The following AFG1L variants were observed in gnomAD, a reference collection of about 807,000 sequenced individuals.
AFG1L encodes AFG1-like ATPase.
In AFG1L, 53 loss-of-function variants were observed where a neutral mutation model predicts 62.2. The observed-to-expected ratio is 0.85, with a 90% CI of 0.68 to 1.07. AFG1L has a LOEUF of 1.07. Ranked by LOEUF, AFG1L falls within the 50% of genes least tolerant of loss-of-function variation. The pLI, the probability that AFG1L is intolerant of heterozygous loss-of-function variation, is 0.00. For missense variants in AFG1L, 555 were observed against 590.5 expected, an observed-to-expected ratio of 0.94 and a Z score of 0.62; for synonymous variants, 228 against 210.3, an observed-to-expected ratio of 1.08 and a Z score of -0.73.
At chr6:108,317,406 A>G (rs1349075532) in intron 1 of AFG1L, among the ~76,000 whole-genome samples, 1 of 152,174 alleles carries the variant, frequency 6.6e-6, no homozygotes, top group Non-Finnish European at 1.5e-5. Flanking sequence ...ATCGATCCTC[A>G]TGCACTGAGT....
intron 2 of AFG1L, among the ~76,000 whole-genome samples, chr6:108,325,452 T>TA (rs398002559): frequency 3.4e-5 from 5 of 146,382 alleles, no homozygotes; most frequent in Non-Finnish European, 6.0e-5. Flanking sequence ...TTTTTTTTTT[T>TA]AAACCTAATT....
chr6:108,426,390 G>A (rs1770817524), intron 7 of AFG1L, among the ~76,000 whole-genome samples: 1 of 152,108 alleles, frequency 6.6e-6, no homozygotes, highest in Non-Finnish European at 1.5e-5. Flanking sequence ...CTTTCTGTGG[G>A]AGAAAATTAA....
intron 10 of AFG1L, among the ~76,000 whole-genome samples, chr6:108,479,562 A>T (rs552099029): frequency 1.4e-4 from 22 of 152,202 alleles, no homozygotes; most frequent in East Asian, 7.7e-4. Context: ...TTTGTTTATG[A>T]CTATTTTCTT....
chr6:108,479,929 T>C (rs915127570), intron 10 of AFG1L, among the ~76,000 whole-genome samples: 1 of 152,164 alleles, frequency 6.6e-6, no homozygotes, highest in Non-Finnish European at 1.5e-5. Context: ...CAGTCCATAA[T>C]GACTATTTTT....
At chr6:108,481,379 C>G (rs1442889931) in intron 10 of AFG1L, among the ~76,000 whole-genome samples, 1 of 152,126 alleles carries the variant, frequency 6.6e-6, no homozygotes, top group Non-Finnish European at 1.5e-5. Context: ...CAGTGGTTCT[C>G]AAAATGTGGT....
chr6:108,460,092 TA>T, intron 8 of AFG1L, among the ~76,000 whole-genome samples: 1 of 152,148 alleles, frequency 6.6e-6, no homozygotes, highest in South Asian at 2.1e-4. Flanking sequence ...TACAGCGCAA[TA>T]AAAAATGCAA....
intron 7 of AFG1L, among the ~76,000 whole-genome samples, chr6:108,446,511 T>TG (rs1554198913): frequency 0.035 from 3,467 of 97,818 alleles, 45 homozygotes; most frequent in Admixed American, 0.065. Context: ...TTTTTTTTTT[T>TG]TGTGTGTGTG....
chr6:108,434,003 C>T (rs1771196723), intron 7 of AFG1L, among the ~76,000 whole-genome samples: 1 of 152,172 alleles, frequency 6.6e-6, no homozygotes, highest in Non-Finnish European at 1.5e-5. Context: ...GAAGCATAGC[C>T]TTTGACAAAG....
intron 3 of AFG1L, 33 bp from the exon 4 acceptor site, chr6:108,355,621 A>T: frequency 8.9e-7 from 1 of 1,119,282 alleles, no homozygotes; most frequent in East Asian, 2.5e-5. Flanking sequence ...CATACTATTT[A>T]ATAGTATTCT....
At chr6:108,416,029 A>C (rs189173371) in intron 7 of AFG1L, among the ~76,000 whole-genome samples, 1 of 152,322 alleles carries the variant, frequency 6.6e-6, no homozygotes, top group Admixed American at 6.5e-5. Context: ...TCATCTGACA[A>C]AGGGCTAATA....
chr6:108,520,054 A>G (rs1328807181), intron 12 of AFG1L: 1 of 296,882 alleles, frequency 3.4e-6, no homozygotes, highest in East Asian at 7.2e-5. Flanking sequence ...TGTGATAAAA[A>G]TGAAGCCCAC....
chr6:108,355,693 A>G lies in AFG1L; in HGVS notation c.455A>G (p.Tyr152Cys). Residue 152 changes from tyrosine to cysteine, a missense_variant, in exon 4 of 13, where the codon TAT becomes TGT. Physicochemically the swap from Tyr to Cys is radical, Grantham distance 194 (BLOSUM62 -2). Coordinates refer to ENST00000368977, the MANE Select transcript of AFG1L (RefSeq NM_145315.5). ...KTMVMDMFYA[Y>C]VEMKRKKRVH... ...ATGGTGATGGACATGTTTTATGCTT[A>G]TGTGGAAATGAAGAGGAAAAAACGG... 1.2e-6 allele frequency: 2 copies of G among 1,610,670 alleles called. No homozygotes were observed. Among genetic ancestry groups the G allele is most frequent in the Non-Finnish European group, 1.7e-6 (2 of 1,178,946 alleles).
chr6:108,490,704 C>T (rs1228869269), intron 10 of AFG1L, among the ~76,000 whole-genome samples: 1 of 152,196 alleles, frequency 6.6e-6, no homozygotes, highest in Non-Finnish European at 1.5e-5. Context: ...ACTTCTTAAT[C>T]TCCCCCTTCA....
At chr6:108,417,622 A>G (rs1770377686) in intron 7 of AFG1L, among the ~76,000 whole-genome samples, 1 of 152,130 alleles carries the variant, frequency 6.6e-6, no homozygotes, top group South Asian at 2.1e-4. Flanking sequence ...AATAAAAGCA[A>G]GATATGTTTT....
At chr6:108,481,475 G>A (rs1205071205) in intron 10 of AFG1L, among the ~76,000 whole-genome samples, 1 of 152,116 alleles carries the variant, frequency 6.6e-6, no homozygotes, top group East Asian at 1.9e-4. Context: ...TTTTCACTCT[G>A]GTAGTATTTA....
chr6:108,311,853 T>G (rs1028843225), intron 1 of AFG1L, among the ~76,000 whole-genome samples: 1 of 152,092 alleles, frequency 6.6e-6, no homozygotes, highest in African/African-American at 2.4e-5. Flanking sequence ...ATTTATTTAT[T>G]TATGTATTTT....
intron 2 of AFG1L, among the ~76,000 whole-genome samples, chr6:108,339,447 A>T (rs1778595623): frequency 6.7e-6 from 1 of 149,022 alleles, no homozygotes; most frequent in Non-Finnish European, 1.5e-5. Context: ...GGCAGAAAAT[A>T]AATTCTTTAA....
chr6:108,495,583 G>C (rs982784791), intron 10 of AFG1L, among the ~76,000 whole-genome samples: 2 of 152,316 alleles, frequency 1.3e-5, no homozygotes, highest in Non-Finnish European at 2.9e-5. Flanking sequence ...TCTGGCACCA[G>C]GGTCGATACC....
At chr6:108,297,130 A>G (rs925142810) in intron 1 of AFG1L, among the ~76,000 whole-genome samples, 2 of 152,214 alleles carry the variant, frequency 1.3e-5, no homozygotes, top group Non-Finnish European at 2.9e-5. Flanking sequence ...TTTTTGAGAT[A>G]GAGCCTTGCT....
Sources: allele counts gnomAD v4.1 joint callset (sites outside exome capture counted in the v4.1 genomes callset), GRCh38; gene constraint gnomAD v4.1.1; transcripts MANE v1.5; gene names NCBI Gene and HGNC (gene_info 2026-07-23, HGNC 2026-07-21).